SPOCK1: variants seen among roughly 807,000 people sequenced by gnomAD.
The protein encoded by SPOCK1 is SPARC (osteonectin), cwcv and kazal like domains proteoglycan 1.
Under a neutral mutation model 55.3 loss-of-function variants are expected in SPOCK1, and 23 were observed. The observed-to-expected ratio is 0.42, with a 90% CI of 0.30 to 0.59. The LOEUF (loss-of-function observed/expected upper bound fraction) is 0.59, where lower values mean the gene tolerates loss of function less well. SPOCK1 is among the 20% of genes least tolerant of loss of function. The probability of loss-of-function intolerance (pLI) is 0.22; values close to 1 mark genes in which losing one functional copy is unlikely to be tolerated. For synonymous variants in SPOCK1, 226 were observed against 221.0 expected (o/e 1.02, Z -0.20); for missense variants, 499 against 552.5 (o/e 0.90, Z 0.97).
At chr5:137,133,655 G>T (rs1406112030) in intron 4 of SPOCK1, among the ~76,000 whole-genome samples, 1 of 152,028 alleles carries the variant, frequency 6.6e-6, no homozygotes, top group Non-Finnish European at 1.5e-5. Flanking sequence ...CAAACAGCTA[G>T]GTCCTTAACC....
intron 3 of SPOCK1, among the ~76,000 whole-genome samples, chr5:137,190,713 C>A (rs926320607): frequency 6.6e-6 from 1 of 152,110 alleles, no homozygotes; most frequent in South Asian, 2.1e-4. Context: ...CTTTTCCCAC[C>A]CTGTCTACCA....
chr5:137,055,401 T>A (rs1752282507), intron 6 of SPOCK1, among the ~76,000 whole-genome samples: 1 of 152,226 alleles, frequency 6.6e-6, no homozygotes, highest in Non-Finnish European at 1.5e-5. Context: ...TTTTAAGCTT[T>A]AAATTTTAAA....
intron 2 of SPOCK1, among the ~76,000 whole-genome samples, chr5:137,449,347 C>T (rs1753200359): frequency 6.6e-6 from 1 of 152,210 alleles, no homozygotes; most frequent in East Asian, 1.9e-4. Flanking sequence ...TCTACCCCAC[C>T]TCTCTCCTCT....
intron 3 of SPOCK1, among the ~76,000 whole-genome samples, chr5:137,187,958 A>G (rs2127068355): frequency 6.6e-6 from 1 of 152,330 alleles, no homozygotes; most frequent in East Asian, 1.9e-4. Flanking sequence ...TGGCTCAAGA[A>G]CGGGAGTTTT....
intron 2 of SPOCK1, among the ~76,000 whole-genome samples, chr5:137,376,397 T>C (rs1455001893): frequency 1.3e-5 from 2 of 152,240 alleles, no homozygotes; most frequent in African/African-American, 4.8e-5. Context: ...TGCTGGGCTT[T>C]GCTCAGTGTC....
intron 2 of SPOCK1, among the ~76,000 whole-genome samples, chr5:137,311,233 T>A (rs973638022): frequency 6.6e-6 from 1 of 152,156 alleles, no homozygotes; most frequent in Non-Finnish European, 1.5e-5. Context: ...ACAAAAGCAC[T>A]GATCCCAGAA....
At chr5:137,190,221 T>A in intron 3 of SPOCK1, among the ~76,000 whole-genome samples, 1 of 152,226 alleles carries the variant, frequency 6.6e-6, no homozygotes, top group East Asian at 1.9e-4. Flanking sequence ...GAAGTTCTAC[T>A]GTGGGTAAAA....
At chr5:137,481,689 T>TCAA (rs1561547041) in intron 2 of SPOCK1, among the ~76,000 whole-genome samples, 1 of 152,196 alleles carries the variant, frequency 6.6e-6, no homozygotes, top group Admixed American at 6.5e-5. Flanking sequence ...TGTCAAGGTC[T>TCAA]CTTGTTGGAT....
chr5:136,991,405 T>C (rs192899337), intron 7 of SPOCK1, among the ~76,000 whole-genome samples: 39 of 152,080 alleles, frequency 2.6e-4, no homozygotes, highest in African/African-American at 8.4e-4. Context: ...TCCACTGATA[T>C]CTCTAGAAGG....
At chr5:137,066,297 C>T (rs1752503834) in intron 6 of SPOCK1, among the ~76,000 whole-genome samples, 1 of 152,134 alleles carries the variant, frequency 6.6e-6, no homozygotes, top group African/African-American at 2.4e-5. Flanking sequence ...AGCCACCACA[C>T]CTGACTGATT....
chr5:137,452,631 T>A (rs1028522168), intron 2 of SPOCK1, among the ~76,000 whole-genome samples: 10 of 152,224 alleles, frequency 6.6e-5, no homozygotes, highest in Admixed American at 2.0e-4. Context: ...ATGTAATAAT[T>A]CTTGTGAGAA....
At chr5:137,461,399 C>T (rs1753486329) in intron 2 of SPOCK1, among the ~76,000 whole-genome samples, 1 of 152,194 alleles carries the variant, frequency 6.6e-6, no homozygotes, top group African/African-American at 2.4e-5. Context: ...GAGGAAAAAC[C>T]ATGGGGAACC....
intron 3 of SPOCK1, among the ~76,000 whole-genome samples, chr5:137,190,735 C>T (rs1755165200): frequency 6.6e-6 from 1 of 152,164 alleles, no homozygotes; most frequent in Admixed American, 6.5e-5. Flanking sequence ...CCTTCAGGTC[C>T]TTCAGGTCAC....
Position 137,302,422 on chromosome 5 carries a change from A to T in SPOCK1, c.187-35367T>A, listed in dbSNP as rs183356015. ...GTCTCTACTAAAAATACAAAAAAAAAAAAAATTAGCCAGGTGTGGTGGCAC... is the reference window on the plus strand; with the variant it reads ...GTCTCTACTAAAAATACAAAAAAAATAAAAATTAGCCAGGTGTGGTGGCAC... On this transcript the variant is annotated intron_variant, in intron 2 of 10. Transcript: ENST00000394945. 6.5e-3 allele frequency among the ~76,000 whole-genome samples: 973 copies of T among 150,214 alleles called. 6 individuals are homozygous for T. The highest frequency in any genetic ancestry group is 0.01 in the Non-Finnish European group (675 of 67,450).
chr5:137,489,618 C>T (rs1426098074), intron 2 of SPOCK1, among the ~76,000 whole-genome samples: 2 of 152,180 alleles, frequency 1.3e-5, no homozygotes, highest in African/African-American at 4.8e-5. Context: ...GCCATCCTTC[C>T]AAGTACTTGG....
intron 2 of SPOCK1, among the ~76,000 whole-genome samples, chr5:137,362,704 C>T (rs1274024214): frequency 6.6e-6 from 1 of 152,120 alleles, no homozygotes; most frequent in Admixed American, 6.5e-5. Flanking sequence ...CTCAACTCTG[C>T]CATTGTAGTG....
intron 5 of SPOCK1, among the ~76,000 whole-genome samples, chr5:137,084,270 C>T (rs991652672): frequency 1.2e-4 from 18 of 152,014 alleles, no homozygotes; most frequent in Non-Finnish European, 2.6e-4. Flanking sequence ...TCCCCACAAG[C>T]TGGCCCTGCC....
At chr5:137,146,159 C>T (rs768538740) in intron 3 of SPOCK1, among the ~76,000 whole-genome samples, 17 of 152,284 alleles carry the variant, frequency 1.1e-4, no homozygotes, top group South Asian at 2.1e-4. Context: ...CATATATTCT[C>T]GTCCGCCAAA....
chr5:136,984,419 T>C (rs1415131351), intron 9 of SPOCK1, among the ~76,000 whole-genome samples: 1 of 131,964 alleles, frequency 7.6e-6, no homozygotes, highest in African/African-American at 2.8e-5. Context: ...AGCTGACACC[T>C]CTTTTTTTAA....
Sources: allele counts gnomAD v4.1 joint callset (sites outside exome capture counted in the v4.1 genomes callset), GRCh38; gene constraint gnomAD v4.1.1; transcripts MANE v1.5; gene names NCBI Gene and HGNC (gene_info 2026-07-23, HGNC 2026-07-21).